Variants in TPR observed in about 807,000 individuals in gnomAD.
TPR encodes the protein translocated promoter region, nuclear basket protein.
A neutral mutation model predicts 316.1 loss-of-function variants in TPR; 51 were observed. The ratio of observed to expected loss-of-function variants is 0.16; its 90% CI spans 0.13 to 0.20. TPR has a LOEUF of 0.20. TPR is among the 10% of genes least tolerant of loss of function. The pLI, the probability that TPR is intolerant of heterozygous loss-of-function variation, is 1.00. For synonymous variants in TPR, 981 were observed against 914.7 expected (o/e 1.07, Z -1.31); for missense variants, 2,272 against 2,754.8 (o/e 0.82, Z 3.92).
In TPR at chr1:186,338,032, C is replaced by T. The variant is rs1287378941; in HGVS notation, c.4362+1G>A. 1 of 1,584,388 alleles carries T rather than the reference C, an allele frequency of 6.3e-7. No homozygotes were observed. Among genetic ancestry groups the T allele is most frequent in the Non-Finnish European group, 8.5e-7 (1 of 1,170,956 alleles). ...TTGTAAGATAAGTTTCTTCAAAATA[C>T]CTTATCCTGTTGTGCTTTAAGTTCT... On this transcript the variant is annotated splice_donor_variant, in intron 31 of 50. Transcript: ENST00000367478. LOFTEE classifies it high-confidence loss of function.
Position 186,313,173 on chromosome 1 carries a change from G to A in TPR, c.*798C>T. On this transcript the variant is annotated 3_prime_UTR_variant, in exon 51 of 51. Coordinates refer to ENST00000367478, the MANE Select transcript of TPR (RefSeq NM_003292.3). ...CAATAGTATTTTACTTCTATCATTTGTGGCATTTAACAGATACCTTGTTTG... is the reference window on the plus strand; with the variant it reads ...CAATAGTATTTTACTTCTATCATTTATGGCATTTAACAGATACCTTGTTTG... 2.2e-6 allele frequency: 1 copy of A among 460,810 alleles called. No homozygotes were observed. The highest frequency in any genetic ancestry group is 4.0e-6 in the Non-Finnish European group (1 of 250,162). 28.5% of individuals were successfully genotyped at this position (460,810 alleles called of 1,614,324 possible). A position where few individuals can be genotyped will look rare whatever the true frequency, so the allele number is the denominator to read the frequency against.
chr1:186,331,875 C>A (rs1473994776), intron 38 of TPR, among the ~76,000 whole-genome samples: 2 of 151,956 alleles, frequency 1.3e-5, no homozygotes, highest in East Asian at 3.8e-4. Context: ...ATAATTTTGG[C>A]TAATCTTAGA....
chr1:186,363,478 C>T (rs775825583), intron 4 of TPR, 33 bp from the exon 5 acceptor site: 2 of 1,390,800 alleles, frequency 1.4e-6, no homozygotes, highest in Admixed American at 1.8e-5. Flanking sequence ...AAAATAATAA[C>T]TAATTAACAC....
rs981667590 is a variant in TPR at position 186,362,140 on chromosome 1, T to C, written c.789+148A>G. On this transcript the variant is annotated intron_variant, in intron 7 of 50. Transcript: ENST00000367478. ...CATATAATTGCTATTTCTGATTCTA[T>C]TTTAGCCTAGCTACAGCATATGGAA... 3 of 658,172 alleles carry C rather than the reference T, an allele frequency of 4.6e-6. No homozygotes were observed. The African/African-American group carries it at 5.5e-5, about 12-fold the overall frequency. The allele number at this position is 658,172 out of a possible 1,614,324, so 40.8% of individuals were successfully genotyped here. A position where few individuals can be genotyped will look rare whatever the true frequency, so the allele number is the denominator to read the frequency against.
In TPR at chr1:186,322,611, C is replaced by T. The variant is rs747018071; in HGVS notation, c.6298-25G>A. On this transcript the variant is annotated intron_variant, in intron 43 of 50. Coordinates refer to ENST00000367478, the MANE Select transcript of TPR (RefSeq NM_003292.3). ...TCTGCGTGTCAAGATAAAGGAATTA[C>T]ATTTGCTTTAAGAAATGAGGCAATG... The T allele has an allele frequency of 6.2e-6, 10 of 1,611,710 alleles. No homozygotes were observed. In the East Asian group the frequency reaches 1.8e-4, roughly 29 times the overall value.
At chr1:186,346,095 T>C in intron 23 of TPR, 40 bp downstream of exon 23, 1 of 1,551,344 alleles carries the variant, frequency 6.4e-7, no homozygotes, top group Non-Finnish European at 8.7e-7. Flanking sequence ...TTCAAATCCT[T>C]ACAAGTTAAA....
intron 37 of TPR, among the ~76,000 whole-genome samples, chr1:186,332,698 T>A (rs1046385540): frequency 1.3e-5 from 2 of 152,142 alleles, no homozygotes; most frequent in Non-Finnish European, 2.9e-5. Flanking sequence ...TCAGGACTCC[T>A]TGAATAAGAA....
Position 186,360,909 on chromosome 1 carries a change from A to G in TPR, c.959-4T>C. ...TGATCTTGTATTGCTTTGTTGGCTA[A>G]AAAACAATTTTAAAGACCAAATATT... On this transcript the variant is annotated splice_polypyrimidine_tract_variant and splice_region_variant and intron_variant, in intron 9 of 50. Coordinates refer to ENST00000367478, the MANE Select transcript of TPR (RefSeq NM_003292.3). The G allele has an allele frequency of 2.5e-6, 4 of 1,604,166 alleles. No homozygotes were observed. The highest frequency in any genetic ancestry group is 3.4e-6 in the Non-Finnish European group (4 of 1,176,698).
chr1:186,314,351 A>G, intron 50 of TPR: 1 of 355,344 alleles, frequency 2.8e-6, no homozygotes, highest in South Asian at 5.9e-5. Context: ...AAATGAATAT[A>G]ACACTATAAC....
chr1:186,349,553 G>A (rs1389120028), intron 21 of TPR, among the ~76,000 whole-genome samples: 3 of 151,662 alleles, frequency 2.0e-5, no homozygotes, highest in Non-Finnish European at 2.9e-5. Flanking sequence ...CCAGCTACTC[G>A]GGAGGCTGAG....
intron 6 of TPR, 108 bp from the exon 7 acceptor site, chr1:186,362,488 C>A (rs1659226021): frequency 1.3e-6 from 1 of 785,494 alleles, no homozygotes; most frequent in Non-Finnish European, 2.0e-6. Flanking sequence ...CCCTCCCCAC[C>A]TGAAAAAGCA....
Position 186,312,656 on chromosome 1 carries a change from A to G in TPR, c.*1315T>C, listed in dbSNP as rs1043900180. ...ATTATATACCAGTCTATAACCCTCA[A>G]TAGTTCTACATCAGAGGGCTAAAAC... On this transcript the variant is annotated 3_prime_UTR_variant, in exon 51 of 51. Transcript: ENST00000367478. The G allele has an allele frequency of 1.8e-6, 2 of 1,139,008 alleles. No individual in the cohort carries two copies. The highest frequency in any genetic ancestry group is 3.1e-5 in the African/African-American group (2 of 65,468). The allele number at this position is 1,139,008 out of a possible 1,614,324, so 70.6% of individuals were successfully genotyped here.
intron 30 of TPR, among the ~76,000 whole-genome samples, chr1:186,339,368 G>C (rs965022915): frequency 2.8e-5 from 4 of 144,784 alleles, no homozygotes; most frequent in South Asian, 2.3e-4. Flanking sequence ...GTAAGTTTTT[G>C]ATAGCTGTAA....
chr1:186,351,339 T>C lies in TPR; in HGVS notation c.2601A>G (p.Arg867=). The C allele has an allele frequency of 6.2e-7, 1 of 1,607,988 alleles. No homozygotes were observed. The highest frequency in any genetic ancestry group is 8.5e-7 in the Non-Finnish European group (1 of 1,177,648). Residue 867 remains arginine, a synonymous_variant, in exon 20 of 51, where the codon AGA becomes AGG. Coordinates refer to ENST00000367478, the MANE Select transcript of TPR (RefSeq NM_003292.3). ...ACTCTGATGGACTCACATCTAGATT[T>C]CTAGTAAGTGTATGCCTTTGTTCCA... ...NEVEQRHTLT[R]NLDVQLLDTK...
In TPR at chr1:186,334,546, A is replaced by C; in HGVS notation, c.4974-13T>G. 1 of 1,602,746 alleles carries C rather than the reference A, an allele frequency of 6.2e-7. No individual in the cohort carries two copies. The highest frequency in any genetic ancestry group is 8.5e-7 in the Non-Finnish European group (1 of 1,171,920). On this transcript the variant is annotated splice_polypyrimidine_tract_variant and intron_variant, in intron 35 of 50. Transcript: ENST00000367478. ...TGATGTGCTGGCACTTATAGAGGAG[A>C]AAATGGAAGAATAATTAATAACAAA...
chr1:186,343,206 T>C, intron 27 of TPR, 120 bp downstream of exon 27: 2 of 1,317,658 alleles, frequency 1.5e-6, no homozygotes, highest in Non-Finnish European at 2.1e-6. Context: ...TTAATGAATT[T>C]ACAAGTTTAG....
At position 186,334,347 on chromosome 1, in the gene TPR, A is replaced by G. The variant is rs1158453638; in HGVS notation, c.5160T>C (p.Thr1720=). 1 of 1,613,104 alleles carries G rather than the reference A, an allele frequency of 6.2e-7. No homozygotes were observed. Among genetic ancestry groups the G allele is most frequent in the East Asian group, 2.2e-5 (1 of 44,882 alleles). ...AACCTTCCTGTGATTCCACTTGTGT[A>G]GTGGGCATCACTGTAGCTGTTGGGG... ...TTTPTATVMP[T]TQVESQEAMQ... is the part of the protein sequence containing the mutation. The change falls in exon 36 of 51, where the codon ACT becomes ACC. Residue 1720 remains threonine (T), a synonymous_variant. Transcript: ENST00000367478.
chr1:186,370,369 T>A (rs1292930765), intron 3 of TPR, among the ~76,000 whole-genome samples: 1 of 152,104 alleles, frequency 6.6e-6, no homozygotes, highest in Non-Finnish European at 1.5e-5. Flanking sequence ...CAGAGAAGTA[T>A]TTGAGTTTTC....
chr1:186,345,478 T>C (rs993449517), intron 24 of TPR, 102 bp downstream of exon 24: 34 of 919,174 alleles, frequency 3.7e-5, no homozygotes, highest in Non-Finnish European at 5.5e-5. Context: ...GGAAATTATC[T>C]TGAATTTTTG....
Sources: allele counts gnomAD v4.1 joint callset (sites outside exome capture counted in the v4.1 genomes callset), GRCh38; gene constraint gnomAD v4.1.1; transcripts MANE v1.5; gene names NCBI Gene and HGNC (gene_info 2026-07-23, HGNC 2026-07-21).